Variants in FHIT observed in about 807,000 individuals in gnomAD.
FHIT encodes the protein fragile histidine triad diadenosine triphosphatase, also known as bis(5'-adenosyl)-triphosphatase.
A neutral mutation model predicts 17.9 loss-of-function variants in FHIT; 19 were observed. The ratio of observed to expected loss-of-function variants is 1.06; its 90% CI spans 0.74 to 1.56. The LOEUF (loss-of-function observed/expected upper bound fraction) is 1.56, where lower values mean the gene tolerates loss of function less well. Among genes scored for constraint, FHIT ranks in the 40% most tolerant of loss-of-function variants. FHIT has a pLI of 0.00. For synonymous variants in FHIT, 81 were observed against 69.7 expected (o/e 1.16, Z -0.81); for missense variants, 248 against 189.2 (o/e 1.31, Z -1.82).
At chr3:60,413,264 T>C (rs1039075006) in intron 5 of FHIT, among the ~76,000 whole-genome samples, 1 of 151,662 alleles carries the variant, frequency 6.6e-6, no homozygotes, top group African/African-American at 2.4e-5. Context: ...CATCAAAGAG[T>C]TAATAAATTC....
chr3:60,053,541 A>G (rs2106891522), intron 5 of FHIT, among the ~76,000 whole-genome samples: 1 of 151,992 alleles, frequency 6.6e-6, no homozygotes, highest in African/African-American at 2.4e-5. Flanking sequence ...CTTCAGAGAG[A>G]AAGAGCCACA....
intron 2 of FHIT, among the ~76,000 whole-genome samples, chr3:61,132,761 A>G (rs1474958627): frequency 6.6e-6 from 1 of 152,246 alleles, no homozygotes; most frequent in African/African-American, 2.4e-5. Context: ...GTCAGAGCCA[A>G]AATTTGAAAA....
chr3:60,908,205 G>T (rs1706537640), intron 3 of FHIT, among the ~76,000 whole-genome samples: 1 of 152,122 alleles, frequency 6.6e-6, no homozygotes, highest in Non-Finnish European at 1.5e-5. Flanking sequence ...ATTCTGGGGT[G>T]GCATGGAGTG....
In FHIT at chr3:60,320,946, A is replaced by G. The variant is rs191784362; in HGVS notation, c.103+215914T>C. Among the ~76,000 whole-genome samples, 599 of 152,334 alleles carry G rather than the reference A, an allele frequency of 3.9e-3. 4 individuals are homozygous for G. The highest frequency in any genetic ancestry group is 0.023 in the South Asian group (112 of 4,832). On this transcript the variant is annotated intron_variant, in intron 5 of 9. Transcript: ENST00000492590. ...TAATTTATTAAATAAAACATGTTCAATTGTACACTAAATCAAATGACATGG... is the reference window on the plus strand; with the variant it reads ...TAATTTATTAAATAAAACATGTTCAGTTGTACACTAAATCAAATGACATGG...
At chr3:60,248,782 C>T (rs771525155) in intron 5 of FHIT, among the ~76,000 whole-genome samples, 3 of 152,096 alleles carry the variant, frequency 2.0e-5, no homozygotes, top group Admixed American at 6.6e-5. Context: ...TAAAAAACAG[C>T]AGGTGCTAGA....
chr3:61,250,982 G>A (rs1048539988), intron 1 of FHIT, among the ~76,000 whole-genome samples: 4 of 152,150 alleles, frequency 2.6e-5, no homozygotes. Context: ...CCAAAACGGC[G>A]GGTGCCGACT....
chr3:60,420,867 C>T (rs1251692705), intron 5 of FHIT, among the ~76,000 whole-genome samples: 1 of 152,116 alleles, frequency 6.6e-6, no homozygotes, highest in Non-Finnish European at 1.5e-5. Context: ...TGCTTTCATA[C>T]ATCTTTGTTT....
chr3:60,358,173 C>T (rs1335692004), intron 5 of FHIT, among the ~76,000 whole-genome samples: 2 of 152,220 alleles, frequency 1.3e-5, no homozygotes, highest in East Asian at 3.8e-4. Context: ...TTCTTCACTG[C>T]ACCTAGCACC....
At chr3:60,303,685 C>A (rs1708540880) in intron 5 of FHIT, among the ~76,000 whole-genome samples, 1 of 152,168 alleles carries the variant, frequency 6.6e-6, no homozygotes, top group Non-Finnish European at 1.5e-5. Context: ...CAGCAGTAGA[C>A]AATCGTGCTG....
chr3:60,561,642 G>C (rs1293083620), intron 4 of FHIT, among the ~76,000 whole-genome samples: 1 of 152,156 alleles, frequency 6.6e-6, no homozygotes, highest in Non-Finnish European at 1.5e-5. Context: ...CTCAGTGACT[G>C]AGCTTTGTAG....
chr3:60,643,366 T>C (rs2039774659), intron 4 of FHIT, among the ~76,000 whole-genome samples: 1 of 152,044 alleles, frequency 6.6e-6, no homozygotes, highest in Non-Finnish European at 1.5e-5. Context: ...CCCATCAAAA[T>C]ACCATCATCA....
intron 4 of FHIT, among the ~76,000 whole-genome samples, chr3:60,597,255 C>T (rs1268116744): frequency 6.6e-6 from 1 of 152,046 alleles, no homozygotes; most frequent in African/African-American, 2.4e-5. Flanking sequence ...GAGCCCTAAA[C>T]CTTTTCATCG....
intron 7 of FHIT, among the ~76,000 whole-genome samples, chr3:59,981,945 C>G (rs1708672387): frequency 7.0e-6 from 1 of 142,974 alleles, no homozygotes; most frequent in South Asian, 2.4e-4. Context: ...CTCCTTTTTG[C>G]TGCCAGGGTC....
chr3:60,700,966 T>A (rs782407182), intron 4 of FHIT, among the ~76,000 whole-genome samples: 1 of 151,922 alleles, frequency 6.6e-6, no homozygotes, highest in Non-Finnish European at 1.5e-5. Flanking sequence ...AAAATTTATA[T>A]TGTTTAATGT....
chr3:60,298,001 G>A (rs1282865880), intron 5 of FHIT, among the ~76,000 whole-genome samples: 1 of 151,994 alleles, frequency 6.6e-6, no homozygotes, highest in African/African-American at 2.4e-5. Context: ...CAGGACTCAG[G>A]GAAATGCTTT....
chr3:60,667,021 ATTTTTTTTTTTT>A (rs56071877), intron 4 of FHIT, among the ~76,000 whole-genome samples: 26 of 34,132 alleles, frequency 7.6e-4, no homozygotes, highest in African/African-American at 2.0e-3. Flanking sequence ...TGCCTGGTTA[ATTTTTTTTTTTT>A]TTTTTTTTTT....
chr3:60,341,668 T>G (rs1204150142), intron 5 of FHIT, among the ~76,000 whole-genome samples: 1 of 152,086 alleles, frequency 6.6e-6, no homozygotes, highest in Non-Finnish European at 1.5e-5. Flanking sequence ...CTATGTAGTC[T>G]CTCTGCTTTA....
At chr3:61,227,936 A>T (rs2040009691) in intron 1 of FHIT, among the ~76,000 whole-genome samples, 1 of 152,204 alleles carries the variant, frequency 6.6e-6, no homozygotes, top group South Asian at 2.1e-4. Context: ...TCAATGACTA[A>T]GTAGAGCTAC....
intron 4 of FHIT, among the ~76,000 whole-genome samples, chr3:60,775,778 T>G (rs569222154): frequency 1.5e-3 from 221 of 152,206 alleles, no homozygotes; most frequent in Non-Finnish European, 2.4e-3. Context: ...TGCTCCTCAC[T>G]CCATGCCGGG....
Sources: allele counts gnomAD v4.1 joint callset (sites outside exome capture counted in the v4.1 genomes callset), GRCh38; gene constraint gnomAD v4.1.1; transcripts MANE v1.5; gene names NCBI Gene and HGNC (gene_info 2026-07-23, HGNC 2026-07-21).